The following LINGO2 variants were observed in gnomAD, a reference collection of about 807,000 sequenced individuals.
LINGO2 encodes the protein leucine-rich repeat and immunoglobulin-like domain-containing nogo receptor-interacting protein 2.
LINGO2 carries 14 observed loss-of-function variants against 30.6 expected under a neutral mutation model. That is an observed-to-expected ratio of 0.46 (90% CI 0.30 to 0.72). The LOEUF is 0.72. Ranked by LOEUF, LINGO2 falls within the 30% of genes least tolerant of loss-of-function variation. LINGO2 has a pLI of 0.07. For synonymous variants in LINGO2, 317 were observed against 288.5 expected, an observed-to-expected ratio of 1.10 and a Z score of -1.00; for missense variants, 729 against 751.7, an observed-to-expected ratio of 0.97 and a Z score of 0.35.
chr9:28,422,400 A>T (rs946992659), intron 2 of LINGO2, among the ~76,000 whole-genome samples: 1 of 152,142 alleles, frequency 6.6e-6, no homozygotes. Context: ...GCAAATGGCC[A>T]ACAATCACAT....
At chr9:29,077,556 C>A in the LINGO2 span, among the ~76,000 whole-genome samples, 1 of 151,958 alleles carries the variant, frequency 6.6e-6, no homozygotes, top group African/African-American at 2.4e-5. Context: ...TAACAAATGT[C>A]TTTTGCATTG....
intron 3 of LINGO2, among the ~76,000 whole-genome samples, chr9:28,296,906 T>A (rs1168829603): frequency 6.6e-6 from 1 of 152,314 alleles, no homozygotes; most frequent in Non-Finnish European, 1.5e-5. Flanking sequence ...TGCCAACATT[T>A]TTTTCTACTT....
intron 2 of LINGO2, among the ~76,000 whole-genome samples, chr9:28,419,877 ATAAG>A (rs1823119733): frequency 1.3e-5 from 2 of 152,006 alleles, no homozygotes; most frequent in Admixed American, 1.3e-4. Flanking sequence ...ATAAAAAGTA[ATAAG>A]TAAGGTGGCT....
At chr9:28,839,811 C>G in the LINGO2 span, among the ~76,000 whole-genome samples, 6 of 152,278 alleles carry the variant, frequency 3.9e-5, no homozygotes, top group East Asian at 1.2e-3. Flanking sequence ...TGGGATCTAC[C>G]TCTTTTTTCC....
At chr9:28,820,583 A>G in the LINGO2 span, among the ~76,000 whole-genome samples, 1 of 152,200 alleles carries the variant, frequency 6.6e-6, no homozygotes. Flanking sequence ...AAGATTTTAA[A>G]ATTGAGGGCA....
At chr9:28,220,235 G>T (rs757185557) in intron 4 of LINGO2, among the ~76,000 whole-genome samples, 2 of 152,168 alleles carry the variant, frequency 1.3e-5, no homozygotes, top group Non-Finnish European at 2.9e-5. Context: ...TGTGGATACT[G>T]AGGGATGACT....
chr9:28,767,284 A>C, the LINGO2 span, among the ~76,000 whole-genome samples: 7 of 152,206 alleles, frequency 4.6e-5, no homozygotes, highest in Non-Finnish European at 1.0e-4. Context: ...GAATATATTA[A>C]TTTGCTTGAC....
chr9:28,004,531 T>C (rs1822160794), intron 5 of LINGO2, among the ~76,000 whole-genome samples: 1 of 152,194 alleles, frequency 6.6e-6, no homozygotes, highest in South Asian at 2.1e-4. Flanking sequence ...TATGAGTCAT[T>C]TAGTGTATTT....
chr9:28,206,990 T>C (rs1213274466), intron 4 of LINGO2, among the ~76,000 whole-genome samples: 1 of 152,162 alleles, frequency 6.6e-6, no homozygotes, highest in Non-Finnish European at 1.5e-5. Flanking sequence ...ATACCTTTTG[T>C]GGGCATAGAT....
chr9:28,895,660 TAGAG>T, the LINGO2 span, among the ~76,000 whole-genome samples: 1 of 152,128 alleles, frequency 6.6e-6, no homozygotes, highest in Non-Finnish European at 1.5e-5. Context: ...TTTTTTGTTT[TAGAG>T]AGCCTCTCTC....
chr9:28,867,800 C>T, the LINGO2 span, among the ~76,000 whole-genome samples: 7 of 151,972 alleles, frequency 4.6e-5, no homozygotes, highest in East Asian at 1.9e-4. Context: ...TGCCCCATAA[C>T]GTCCCAGTAT....
At chr9:28,994,183 C>A in the LINGO2 span, among the ~76,000 whole-genome samples, 17 of 152,208 alleles carry the variant, frequency 1.1e-4, no homozygotes, top group African/African-American at 3.4e-4. Flanking sequence ...CAGGATACAA[C>A]ATCAATGTAC....
chr9:28,991,944 T>G, the LINGO2 span, among the ~76,000 whole-genome samples: 86 of 152,232 alleles, frequency 5.6e-4, no homozygotes, highest in South Asian at 2.9e-3. Flanking sequence ...AGGCTAGGAA[T>G]AAACTGCATC....
chr9:28,743,348 C>T, the LINGO2 span, among the ~76,000 whole-genome samples: 56 of 151,956 alleles, frequency 3.7e-4, 1 homozygote, highest in African/African-American at 1.2e-3. Flanking sequence ...CCCCATCCCC[C>T]GACAGGCCCC....
intron 3 of LINGO2, among the ~76,000 whole-genome samples, chr9:28,355,261 GTC>G (rs113486172): frequency 1.5e-5 from 2 of 136,800 alleles, no homozygotes; most frequent in African/African-American, 5.6e-5. Context: ...CTCTGTCTCT[GTC>G]TCTCTCTCTG....
chr9:28,433,949 C>CTCTATATATATATATATATATATATA (rs1225323260), intron 2 of LINGO2, among the ~76,000 whole-genome samples: 19 of 88,514 alleles, frequency 2.1e-4, no homozygotes, highest in African/African-American at 8.1e-4. Context: ...CTCTCTCTCT[C>CTCTATATATATATATATATATATATA]TATATATATA....
chr9:29,179,132 G>C, the LINGO2 span, among the ~76,000 whole-genome samples: 1 of 141,194 alleles, frequency 7.1e-6, no homozygotes, highest in Non-Finnish European at 1.5e-5. Context: ...GAAAAGTAAC[G>C]TGATAAAATG....
intron 1 of LINGO2, among the ~76,000 whole-genome samples, chr9:28,496,510 G>A (rs1198407467): frequency 6.6e-6 from 1 of 150,924 alleles, no homozygotes; most frequent in Non-Finnish European, 1.5e-5. Flanking sequence ...CCATTTGCTT[G>A]GTAGATCTTC....
chr9:28,636,717 A>C (rs1469807006), intron 1 of LINGO2, among the ~76,000 whole-genome samples: 1 of 152,080 alleles, frequency 6.6e-6, no homozygotes, highest in Non-Finnish European at 1.5e-5. Flanking sequence ...GATTCTGGAT[A>C]TTAGTGCTTT....
Sources: allele counts gnomAD v4.1 joint callset (sites outside exome capture counted in the v4.1 genomes callset), GRCh38; gene constraint gnomAD v4.1.1; transcripts MANE v1.5; gene names NCBI Gene and HGNC (gene_info 2026-07-23, HGNC 2026-07-21).